ALMS1: variants seen among roughly 807,000 people sequenced by gnomAD.
ALMS1 encodes the protein centrosome-associated protein ALMS1.
ALMS1 carries 271 observed loss-of-function variants against 352.2 expected under a neutral mutation model. The ratio of observed to expected loss-of-function variants is 0.77; its 90% confidence interval spans 0.70 to 0.85. ALMS1 has a LOEUF of 0.85. Among genes scored for constraint, ALMS1 ranks in the 40% least tolerant of loss-of-function variants. ALMS1 has a pLI of 0.00. For missense variants in ALMS1, 5,445 were observed against 4,870.7 expected (o/e 1.12, Z -3.51); for synonymous variants, 1,865 against 1,761.2 (o/e 1.06, Z -1.48).
rs763519566 is a variant in ALMS1, at chr2:73,608,548, C to T, written c.12436C>T (p.Arg4146Trp). Residue 4146 changes from arginine (R) to tryptophan (W), a missense_variant, in exon 22 of 23, where the codon CGG (arginine) becomes TGG (tryptophan). Coordinates refer to ENST00000613296, the MANE Select transcript of ALMS1 (RefSeq NM_001378454.1). ...GAGAAAATCAGAATATAAGTCATACCGGCTGCGAGCCCAGCTATATAAAAA... is the reference window on the plus strand; with the variant it reads ...GAGAAAATCAGAATATAAGTCATACTGGCTGCGAGCCCAGCTATATAAAAA... The part of the protein sequence containing the change: ...EKRKSEYKSY[R>W]LRAQLYKKRV... 7 of 1,613,748 alleles carry T rather than the reference C, an allele frequency of 4.3e-6. No homozygotes were observed. The highest frequency in any genetic ancestry group is 3.3e-4 in the Middle Eastern group (2 of 6,074).
intron 11 of ALMS1, among the ~76,000 whole-genome samples, chr2:73,532,963 T>C (rs994757227): frequency 2.6e-5 from 4 of 151,908 alleles, no homozygotes; most frequent in Non-Finnish European, 4.4e-5. Context: ...CAGGACTGGG[T>C]CCTTCCCTGC....
At chr2:73,425,823 G>A (rs1016876216) in intron 5 of ALMS1, among the ~76,000 whole-genome samples, 1 of 152,150 alleles carries the variant, frequency 6.6e-6, no homozygotes, top group Non-Finnish European at 1.5e-5. Flanking sequence ...TGCATAAAAA[G>A]GGTAATAATG....
intron 9 of ALMS1, among the ~76,000 whole-genome samples, chr2:73,482,864 A>G (rs1417268742): frequency 6.6e-6 from 1 of 151,894 alleles, no homozygotes; most frequent in East Asian, 1.9e-4. Flanking sequence ...GTTTATTTGC[A>G]TAGAGGTGTT....
chr2:73,506,726 CAG>C (rs1673335487), intron 10 of ALMS1, among the ~76,000 whole-genome samples: 1 of 152,170 alleles, frequency 6.6e-6, no homozygotes, highest in South Asian at 2.1e-4. Flanking sequence ...CATCTGCAAA[CAG>C]AGATAATTTG....
At chr2:73,500,356 G>A (rs188964548) in intron 10 of ALMS1, among the ~76,000 whole-genome samples, 129 of 152,228 alleles carry the variant, frequency 8.5e-4, no homozygotes, top group African/African-American at 2.9e-3. Flanking sequence ...CCTTTTCTAG[G>A]TACTTTTATC....
At chr2:73,488,695 A>T (rs1051310813) in intron 9 of ALMS1, among the ~76,000 whole-genome samples, 4 of 152,244 alleles carry the variant, frequency 2.6e-5, no homozygotes, top group Non-Finnish European at 5.9e-5. Context: ...CATCAAAAAT[A>T]TATCTACTCC....
In ALMS1 at chr2:73,490,739, GAGAA is replaced by G; in HGVS notation, c.8781_8784del (p.Glu2928SerfsTer10). On this transcript the variant is annotated frameshift_variant, in exon 10 of 23. Coordinates refer to ENST00000613296, the MANE Select transcript of ALMS1 (RefSeq NM_001378454.1). LOFTEE classifies it high-confidence loss of function. ...CCTTCTTGCATTTTTCTTGAACAAC[GAGAA>G]CTCTTTGAACAGTGCAAAGCCCCAT... 1 of 1,614,080 alleles carries G rather than the reference GAGAA, an allele frequency of 6.2e-7. No homozygotes were observed. The highest frequency in any genetic ancestry group is 8.5e-7 in the Non-Finnish European group (1 of 1,180,018).
chr2:73,450,912 T>A lies in ALMS1; in HGVS notation c.4385T>A (p.Val1462Asp). 3 of 1,613,158 alleles carry A rather than the reference T, an allele frequency of 1.9e-6. No individual in the cohort carries two copies. In the African/African-American group the frequency reaches 4.0e-5, roughly 22 times the overall value. ...GAAGTTTCAGTTGCTCCTGGACCAG[T>A]TGACCAGACGATTGGCACACCAACT... is the stretch of plus-strand genomic sequence containing the variant. ...ALEVSVAPGP[V>D]DQTIGTPTVT... Residue 1462 changes from valine to aspartate, a missense_variant, in exon 8 of 23, where the codon GTT (valine) becomes GAT (aspartate). Coordinates refer to ENST00000613296, the MANE Select transcript of ALMS1 (RefSeq NM_001378454.1).
intron 9 of ALMS1, among the ~76,000 whole-genome samples, chr2:73,463,421 A>G (rs892929376): frequency 1.3e-5 from 2 of 149,992 alleles, no homozygotes; most frequent in African/African-American, 2.5e-5. Context: ...AAGACACAAC[A>G]TACCAGAATC....
At chr2:73,582,484 A>G (rs570240813) in intron 16 of ALMS1, among the ~76,000 whole-genome samples, 2 of 152,272 alleles carry the variant, frequency 1.3e-5, no homozygotes, top group Admixed American at 1.3e-4. Context: ...GAACTTTTTC[A>G]TATTGCAAAC....
At position 73,449,839 on chromosome 2, in the gene ALMS1, T is replaced by C; in HGVS notation, c.3312T>C (p.Gly1104=). ...STFYSQREKP[G]IFYQQTLPES... ...TCTACTCACAAAGAGAGAAGCCTGG[T>C]ATTTTCTACCAACAGACCTTGCCAG... Residue 1104 remains glycine, a synonymous_variant, in exon 8 of 23, where the codon GGT becomes GGC. Coordinates refer to ENST00000613296, the MANE Select transcript of ALMS1 (RefSeq NM_001378454.1). The C allele has an allele frequency of 1.2e-6, 2 of 1,614,050 alleles. No homozygotes were observed. Among genetic ancestry groups the C allele is most frequent in the South Asian group, 1.1e-5 (1 of 91,076 alleles).
chr2:73,421,902 A>G (rs1186208054), intron 3 of ALMS1, among the ~76,000 whole-genome samples: 1 of 152,164 alleles, frequency 6.6e-6, no homozygotes, highest in Non-Finnish European at 1.5e-5. Context: ...TCAAGAAAGT[A>G]TACTGATTAA....
rs1273506987 is a variant in ALMS1 at position 73,386,088 on chromosome 2, G to A, written c.220G>A (p.Glu74Lys). 11 of 1,596,390 alleles carry A rather than the reference G, an allele frequency of 6.9e-6. No individual in the cohort carries two copies. In the South Asian group the frequency reaches 1.1e-4, roughly 17 times the overall value. Reference sequence around the variant, plus strand: ...GGAAAGTATAGACGACGAGGAGGACGAGGAGGCCAAGGCCTGGCTGCAGGC... The same window carrying A: ...GGAAAGTATAGACGACGAGGAGGACAAGGAGGCCAAGGCCTGGCTGCAGGC... Reference protein sequence around the residue: ...HLESIDDEEDEEAKAWLQAHP... With the variant: ...HLESIDDEEDKEAKAWLQAHP... Residue 74 changes from glutamate to lysine, a missense_variant, in exon 1 of 23, where the codon GAG (glutamate) becomes AAG (lysine). By Grantham distance (56) the Glu-to-Lys change is moderately conservative. Coordinates refer to ENST00000613296, the MANE Select transcript of ALMS1 (RefSeq NM_001378454.1).
chr2:73,485,319 T>TTGGAATACCCTGCCGTGTGAGGTG (rs1179627152), intron 9 of ALMS1, among the ~76,000 whole-genome samples: 6 of 152,132 alleles, frequency 3.9e-5, no homozygotes, highest in African/African-American at 1.4e-4. Flanking sequence ...TGCAGGTCTG[T>TTGGAATACCCTGCCGTGTGAGGTG]TGGAATACCC....
chr2:73,608,687 ATG>A, intron 22 of ALMS1, 113 bp downstream of exon 22: 1 of 838,306 alleles, frequency 1.2e-6, no homozygotes, highest in Non-Finnish European at 2.0e-6. Context: ...CATTTGAGGA[ATG>A]AACTTAGAAT....
intron 15 of ALMS1, among the ~76,000 whole-genome samples, chr2:73,559,462 GCCTTCCAGAAGACTATAGCAAAGAT>G (rs1674612703): frequency 6.6e-6 from 1 of 151,896 alleles, no homozygotes; most frequent in African/African-American, 2.4e-5. Context: ...AACCTTAAAG[GCCTTCCAGAAGACTATAGCAAAGAT>G]AGTGAGACCA....
At chr2:73,584,346 A>G (rs781579179) in intron 16 of ALMS1, among the ~76,000 whole-genome samples, 1 of 152,152 alleles carries the variant, frequency 6.6e-6, no homozygotes, top group Non-Finnish European at 1.5e-5. Flanking sequence ...GTTATTTTAC[A>G]TTAGTTGTAT....
intron 1 of ALMS1, among the ~76,000 whole-genome samples, chr2:73,405,074 G>T (rs1417313232): frequency 1.3e-5 from 2 of 151,448 alleles, no homozygotes; most frequent in African/African-American, 4.9e-5. Flanking sequence ...ACCATGTCCA[G>T]CTATTTTCGT....
At chr2:73,465,942 C>G (rs1374307172) in intron 9 of ALMS1, among the ~76,000 whole-genome samples, 1 of 152,184 alleles carries the variant, frequency 6.6e-6, no homozygotes, top group African/African-American at 2.4e-5. Context: ...GAGATACCAT[C>G]TCACACCAGT....
Sources: gnomAD v4.1 joint callset for allele counts (sites outside exome capture counted in the v4.1 genomes callset) on GRCh38, gnomAD v4.1.1 for gene constraint, MANE v1.5 for transcripts, NCBI Gene and HGNC (gene_info 2026-07-23, HGNC 2026-07-21) for gene names.